The following DLGAP2 variants were observed in gnomAD, a reference collection of about 807,000 sequenced individuals.
DLGAP2 encodes the protein DLG associated protein 2.
In DLGAP2, 26 loss-of-function variants were observed where a neutral mutation model predicts 100.3. The ratio of observed to expected loss-of-function variants is 0.26; its 90% CI spans 0.19 to 0.36. The LOEUF is 0.36. DLGAP2 is among the 10% of genes least tolerant of loss of function. The probability of loss-of-function intolerance (pLI) is 1.00; values close to 1 mark genes in which losing one functional copy is unlikely to be tolerated. For synonymous variants in DLGAP2, 886 were observed against 630.1 expected, an observed-to-expected ratio of 1.41 and a Z score of -6.08; for missense variants, 1,858 against 1,453.2, an observed-to-expected ratio of 1.28 and a Z score of -4.53.
Position 1,287,717 on chromosome 8 carries a change from G to C in DLGAP2, c.106+28834G>C, listed in dbSNP as rs1799972036. Among the ~76,000 whole-genome samples the C allele has an allele frequency of 4.4e-4, 4 of 9,066 alleles. 1 individual carries two copies. The highest frequency in any genetic ancestry group is 4.3e-3 in the African/African-American group (4 of 928). The allele number at this position is 9,066 out of a possible 152,430, so 5.9% of individuals were successfully genotyped here. A position where few individuals can be genotyped will look rare whatever the true frequency, so the allele number is the denominator to read the frequency against. On this transcript the variant is annotated intron_variant, in intron 3 of 14. Transcript: ENST00000637795. ...TCAGTGTGTGTGTGTGTGTGTGTGTGTGTATGTGTGTGTGGTTCTGTTAGG... is the reference window on the plus strand; with the variant it reads ...TCAGTGTGTGTGTGTGTGTGTGTGTCTGTATGTGTGTGTGGTTCTGTTAGG...
chr8:1,601,479 C>G (rs1048505518), intron 6 of DLGAP2, among the ~76,000 whole-genome samples: 1 of 152,196 alleles, frequency 6.6e-6, no homozygotes, highest in African/African-American at 2.4e-5. Flanking sequence ...CCACAGCCGC[C>G]CCTTCCCCCG....
At chr8:1,489,288 ACTGT>A (rs1442851961) in intron 3 of DLGAP2, among the ~76,000 whole-genome samples, 13 of 152,284 alleles carry the variant, frequency 8.5e-5, no homozygotes, top group Admixed American at 1.3e-4. Context: ...TGTCTTCCTC[ACTGT>A]CTGTGAGTCT....
chr8:1,053,461 C>T (rs1302524771), intron 2 of DLGAP2, among the ~76,000 whole-genome samples: 3 of 152,100 alleles, frequency 2.0e-5, no homozygotes, highest in African/African-American at 7.2e-5. Flanking sequence ...GTGTCCCAGT[C>T]AGCTCCGTCA....
rs929199522 is a variant in DLGAP2 at position 965,800 on chromosome 8, C to T, written c.73+57834C>T. On this transcript the variant is annotated intron_variant, in intron 2 of 14. Transcript: ENST00000637795. The stretch of plus-strand genomic sequence containing the variant: ...ACGGCACTGTTCACCACACAGGGCT[C>T]CTGAGTCTGACCCCTGCGCTGTACA... Among the ~76,000 whole-genome samples the T allele has an allele frequency of 1.9e-4, 29 of 149,402 alleles. No homozygotes were observed. In the East Asian group the frequency reaches 5.1e-3, roughly 26 times the overall value.
intron 4 of DLGAP2, among the ~76,000 whole-genome samples, chr8:1,510,177 T>C (rs1055630660): frequency 6.6e-6 from 1 of 152,218 alleles, no homozygotes; most frequent in African/African-American, 2.4e-5. Flanking sequence ...AATTTGTCCC[T>C]GGGAGGTATT....
chr8:1,288,483 AGTGT>A (rs1165190944), intron 3 of DLGAP2, among the ~76,000 whole-genome samples: 4,047 of 102,814 alleles, frequency 0.039, 87 homozygotes, highest in Non-Finnish European at 0.052. Flanking sequence ...GTTTCAGTTC[AGTGT>A]GTGTGTGTGT....
rs184353486 is a variant in DLGAP2, at chr8:1,457,171, G to A, written c.107-44195G>A. Among the ~76,000 whole-genome samples, 38 of 152,280 alleles carry A rather than the reference G, an allele frequency of 2.5e-4. 1 individual carries two copies. Among genetic ancestry groups the A allele is most frequent in the African/African-American group, 8.2e-4 (34 of 41,554 alleles). On this transcript the variant is annotated intron_variant, in intron 3 of 14. Transcript: ENST00000637795. The stretch of plus-strand genomic sequence containing the variant: ...CAAGCAGATGAAATATGTTGGAGTA[G>A]GCCTTTTGTGTATTCGTTTTCATCC...
At chr8:880,479 C>G (rs868254633) in intron 1 of DLGAP2, among the ~76,000 whole-genome samples, 4 of 143,942 alleles carry the variant, frequency 2.8e-5, no homozygotes, top group African/African-American at 1.0e-4. Flanking sequence ...ACATGGCATC[C>G]GTGCTGGGGA....
At chr8:836,561 C>T (rs1796880067) in intron 1 of DLGAP2, among the ~76,000 whole-genome samples, 1 of 152,148 alleles carries the variant, frequency 6.6e-6, no homozygotes, top group Non-Finnish European at 1.5e-5. Context: ...CCGGGGTGAC[C>T]CTCTGCAGGC....
chr8:1,475,859 C>G (rs1798917614), intron 3 of DLGAP2, among the ~76,000 whole-genome samples: 1 of 152,030 alleles, frequency 6.6e-6, no homozygotes, highest in South Asian at 2.1e-4. Context: ...TTTTCAGGTC[C>G]CATTTCTTGT....
intron 2 of DLGAP2, among the ~76,000 whole-genome samples, chr8:1,134,759 T>C (rs1055849637): frequency 6.6e-6 from 1 of 152,102 alleles, no homozygotes; most frequent in African/African-American, 2.4e-5. Flanking sequence ...AGCAGGCCCA[T>C]ATTACGTGGC....
intron 3 of DLGAP2, among the ~76,000 whole-genome samples, chr8:1,276,617 C>T (rs749486464): frequency 1.3e-5 from 2 of 150,924 alleles, no homozygotes; most frequent in African/African-American, 2.4e-5. Context: ...AAAGGTGGTG[C>T]GTCTTGTGTC....
At chr8:1,273,557 G>T (rs913455582) in intron 3 of DLGAP2, among the ~76,000 whole-genome samples, 1 of 152,328 alleles carries the variant, frequency 6.6e-6, no homozygotes, top group African/African-American at 2.4e-5. Flanking sequence ...GTCCTGCTCT[G>T]CTGCTTCAGA....
At chr8:1,111,777 G>A (rs76705737) in intron 2 of DLGAP2, among the ~76,000 whole-genome samples, 2 of 152,140 alleles carry the variant, frequency 1.3e-5, no homozygotes, top group African/African-American at 2.4e-5. Flanking sequence ...TGGTATAGAT[G>A]TACCACATTC....
intron 3 of DLGAP2, among the ~76,000 whole-genome samples, chr8:1,431,658 T>C (rs1797444533): frequency 6.6e-6 from 1 of 151,324 alleles, no homozygotes; most frequent in Non-Finnish European, 1.5e-5. Flanking sequence ...CCGGGGCTTG[T>C]CCTTCCAGTG....
At chr8:802,868 A>C (rs1796198987) in intron 1 of DLGAP2, among the ~76,000 whole-genome samples, 1 of 152,214 alleles carries the variant, frequency 6.6e-6, no homozygotes, top group Non-Finnish European at 1.5e-5. Flanking sequence ...AGCAGTGAGC[A>C]GACTCCGAGC....
At chr8:778,732 T>G (rs1158179422) in intron 1 of DLGAP2, among the ~76,000 whole-genome samples, 1 of 152,252 alleles carries the variant, frequency 6.6e-6, no homozygotes, top group African/African-American at 2.4e-5. Context: ...GGAGAACCAC[T>G]GCTCTCTTCA....
chr8:1,257,398 C>G (rs1347830139), intron 2 of DLGAP2, among the ~76,000 whole-genome samples: 2 of 152,078 alleles, frequency 1.3e-5, no homozygotes, highest in Non-Finnish European at 2.9e-5. Context: ...CCGCTCCCTC[C>G]TGAACGCCCT....
rs1419696820 is a variant in DLGAP2 at position 1,388,210 on chromosome 8, T to A, written c.107-113156T>A. On this transcript the variant is annotated intron_variant, in intron 3 of 14. Coordinates refer to ENST00000637795, the MANE Select transcript of DLGAP2 (RefSeq NM_001346810.2). ...GGCTGTGAGAGGCAGAGACCGTGGA[T>A]GAGGAGGCGCTGGTTCAGGTGTCAG... is the stretch of plus-strand genomic sequence containing the variant. Among the ~76,000 whole-genome samples the A allele has an allele frequency of 2.0e-4, 22 of 111,314 alleles. 1 individual carries two copies. In the East Asian group the frequency reaches 6.6e-3, roughly 33 times the overall value. The allele number at this position is 111,314 out of a possible 152,430, so 73.0% of individuals were successfully genotyped here.
Sources: gnomAD v4.1 joint callset for allele counts (sites outside exome capture counted in the v4.1 genomes callset) on GRCh38, gnomAD v4.1.1 for gene constraint, MANE v1.5 for transcripts, NCBI Gene and HGNC (gene_info 2026-07-23, HGNC 2026-07-21) for gene names.